NUP153: variants seen among roughly 807,000 people sequenced by gnomAD.
NUP153 encodes the protein nuclear pore complex protein Nup153.
In NUP153, 27 loss-of-function variants were observed where a neutral mutation model predicts 134.6. The observed-to-expected ratio is 0.20, with a 90% confidence interval of 0.15 to 0.28. NUP153 has a LOEUF of 0.28. Ranked by LOEUF, NUP153 falls within the 10% of genes least tolerant of loss-of-function variation. The probability of loss-of-function intolerance (pLI) is 1.00; values close to 1 mark genes in which losing one functional copy is unlikely to be tolerated. For synonymous variants in NUP153, 640 were observed against 623.5 expected (o/e 1.03, Z -0.40); for missense variants, 1,821 against 1,731.3 (o/e 1.05, Z -0.92).
At chr6:17,697,542 C>T (rs923992490) in intron 1 of NUP153, among the ~76,000 whole-genome samples, 3 of 152,068 alleles carry the variant, frequency 2.0e-5, no homozygotes, top group Non-Finnish European at 4.4e-5. Flanking sequence ...CAAAAATTAG[C>T]CAGGCGTGGT....
intron 20 of NUP153, among the ~76,000 whole-genome samples, chr6:17,620,421 T>G (rs1166584267): frequency 1.3e-5 from 2 of 152,180 alleles, no homozygotes; most frequent in African/African-American, 4.8e-5. Flanking sequence ...TAAATGGTGC[T>G]TGGAAAACTG....
At chr6:17,705,344 G>A (rs1019744182) in intron 1 of NUP153, among the ~76,000 whole-genome samples, 2 of 152,064 alleles carry the variant, frequency 1.3e-5, no homozygotes, top group African/African-American at 4.8e-5. Flanking sequence ...AATTTTCTCA[G>A]AATCAACTAT....
chr6:17,662,005 G>A lies in NUP153; in HGVS notation c.1268+13C>T, dbSNP rs764487354. 72 of 1,579,708 alleles carry A rather than the reference G, an allele frequency of 4.6e-5. No homozygotes were observed. The highest frequency in any genetic ancestry group is 6.0e-5 in the Non-Finnish European group (69 of 1,150,474). On this transcript the variant is annotated intron_variant, in intron 10 of 21. Coordinates refer to ENST00000262077, the MANE Select transcript of NUP153 (RefSeq NM_005124.4). ...AATATAAAGAAGTATAGCTGTATAA[G>A]AAATGACAGTACCTTTCTCGTTGTT...
intron 1 of NUP153, among the ~76,000 whole-genome samples, chr6:17,700,301 T>C (rs1041525765): frequency 2.6e-5 from 4 of 152,174 alleles, no homozygotes; most frequent in African/African-American, 9.7e-5. Flanking sequence ...CAGGTCCTGT[T>C]CTAAAATCTT....
chr6:17,652,051 AAAAT>A (rs997291862), intron 11 of NUP153: 363 of 379,176 alleles, frequency 9.6e-4, no homozygotes, highest in Middle Eastern at 2.7e-3. Flanking sequence ...TCTCATCTCA[AAAAT>A]AAATAAATAA....
At position 17,675,335 on chromosome 6, in the gene NUP153, G is replaced by C. The variant is rs1241424306; in HGVS notation, c.617C>G (p.Pro206Arg). Residue 206 changes from proline (P) to arginine (R), a missense_variant, in exon 4 of 22, where the codon CCT (proline) becomes CGT (arginine). Transcript: ENST00000262077. This position sits in a 1 kb window ranked among gnomAD's most constrained non-coding sequence, Gnocchi z 4.4. ...ITVSKNTSLP[P>R]LWSPEAERSH... ...ACGTTCAGCTTCTGGGGACCACAGAGGTGGCAATGAAGTGTTCTTTGAAAC... is the reference window on the plus strand; with the variant it reads ...ACGTTCAGCTTCTGGGGACCACAGACGTGGCAATGAAGTGTTCTTTGAAAC... The C allele has an allele frequency of 1.9e-6, 3 of 1,613,844 alleles. No individual in the cohort carries two copies. The South Asian group carries it at 3.3e-5, about 18-fold the overall frequency.
intron 9 of NUP153, among the ~76,000 whole-genome samples, chr6:17,663,090 C>T (rs183407145): frequency 1.3e-5 from 2 of 152,072 alleles, no homozygotes; most frequent in African/African-American, 4.8e-5. Flanking sequence ...CTGGGTTTGA[C>T]CACTGCTATG....
chr6:17,620,321 G>T (rs1764585736), intron 20 of NUP153, among the ~76,000 whole-genome samples: 1 of 152,056 alleles, frequency 6.6e-6, no homozygotes, highest in Admixed American at 6.6e-5. Context: ...ATAGAATAGA[G>T]AATTCAGAAA....
intron 1 of NUP153, among the ~76,000 whole-genome samples, chr6:17,702,159 G>A (rs1385764625): frequency 1.3e-5 from 2 of 152,126 alleles, no homozygotes; most frequent in Non-Finnish European, 2.9e-5. Context: ...GGAAAAGGAA[G>A]ACAGGAACTA....
chr6:17,624,862 C>A (rs200214030), intron 19 of NUP153, 29 bp from the exon 20 acceptor site: 1 of 1,533,146 alleles, frequency 6.5e-7, no homozygotes, highest in Non-Finnish European at 8.8e-7. Context: ...ACTTAAGTCA[C>A]CATGGTGGCT....
chr6:17,632,300 AAAAC>A (rs570187630), intron 17 of NUP153, among the ~76,000 whole-genome samples: 2,515 of 148,830 alleles, frequency 0.017, 28 homozygotes, highest in Middle Eastern at 0.041. Flanking sequence ...AACTGTCTCA[AAAAC>A]AAACAAACAA....
chr6:17,619,113 A>C (rs1335368480), intron 20 of NUP153, among the ~76,000 whole-genome samples: 1 of 152,228 alleles, frequency 6.6e-6, no homozygotes, highest in Admixed American at 6.5e-5. Context: ...AGAGTCTAAC[A>C]ATTCCAGAAA....
intron 17 of NUP153, 52 bp downstream of exon 17, chr6:17,632,598 C>G: frequency 7.1e-7 from 1 of 1,416,470 alleles, no homozygotes; most frequent in Non-Finnish European, 9.6e-7. Context: ...TTTAAATGGC[C>G]TTACAAAAAG....
At position 17,619,644 on chromosome 6, in the gene NUP153, A is replaced by C. The variant is rs1006533311; in HGVS notation, c.4175-2949T>G. On this transcript the variant is annotated intron_variant, in intron 20 of 21. Coordinates refer to ENST00000262077, the MANE Select transcript of NUP153 (RefSeq NM_005124.4). ...AGTGTTCTATATTTTTAAACTAAAAACTGATGAAAGAAATTAAAGAGAACA... is the reference window on the plus strand; with the variant it reads ...AGTGTTCTATATTTTTAAACTAAAACCTGATGAAAGAAATTAAAGAGAACA... 2.6e-5 allele frequency: 4 copies of C among 152,220 alleles called. No homozygotes were observed. In the East Asian group the frequency reaches 7.7e-4, roughly 29 times the overall value. 9.4% of individuals were successfully genotyped at this position (152,220 alleles called of 1,614,324 possible).
chr6:17,692,922 C>T (rs577389724), intron 1 of NUP153, among the ~76,000 whole-genome samples: 4 of 152,156 alleles, frequency 2.6e-5, no homozygotes, highest in African/African-American at 9.6e-5. Flanking sequence ...GCTTAATCTT[C>T]AGTTATCTAG....
intron 20 of NUP153, among the ~76,000 whole-genome samples, chr6:17,618,643 GCA>G: frequency 6.7e-6 from 1 of 149,122 alleles, no homozygotes; most frequent in Non-Finnish European, 1.5e-5. Flanking sequence ...TCAGCTCACT[GCA>G]AGCTCCACCT....
At chr6:17,683,206 CA>C (rs1231304105) in intron 2 of NUP153, among the ~76,000 whole-genome samples, 1 of 152,130 alleles carries the variant, frequency 6.6e-6, no homozygotes, top group Non-Finnish European at 1.5e-5. Flanking sequence ...TTTTCTCCCC[CA>C]AATTAGCCTT....
chr6:17,621,573 ATT>A (rs1764643364), intron 20 of NUP153, among the ~76,000 whole-genome samples: 3 of 152,242 alleles, frequency 2.0e-5, no homozygotes. Flanking sequence ...ACTGAAGGAC[ATT>A]ATGTTAGGTG....
At chr6:17,623,211 G>A (rs779014796) in intron 20 of NUP153, among the ~76,000 whole-genome samples, 2 of 151,346 alleles carry the variant, frequency 1.3e-5, no homozygotes, top group African/African-American at 2.4e-5. Flanking sequence ...TTTCATATTA[G>A]AGGAAAAAAT....
Sources: allele counts gnomAD v4.1 joint callset (sites outside exome capture counted in the v4.1 genomes callset), GRCh38; gene constraint gnomAD v4.1.1; non-coding constraint Gnocchi (gnomAD v3.1); transcripts MANE v1.5; gene names NCBI Gene and HGNC (gene_info 2026-07-23, HGNC 2026-07-21).